MTHFD1L: variants seen among roughly 807,000 people sequenced by gnomAD.
MTHFD1L encodes the protein monofunctional C1-tetrahydrofolate synthase, mitochondrial.
A neutral mutation model predicts 119.5 loss-of-function variants in MTHFD1L; 81 were observed. The ratio of observed to expected loss-of-function variants is 0.68; its 90% CI spans 0.57 to 0.82. The LOEUF is 0.82. Among genes scored for constraint, MTHFD1L ranks in the 40% least tolerant of loss-of-function variants. The pLI is 0.00. For missense variants in MTHFD1L, 1,125 were observed against 1,253.4 expected (o/e 0.90, Z 1.55); for synonymous variants, 430 against 475.2 (o/e 0.90, Z 1.24).
intron 27 of MTHFD1L, chr6:151,099,840 C>A: frequency 1.9e-6 from 3 of 1,597,398 alleles, no homozygotes; most frequent in Non-Finnish European, 1.7e-6. Context: ...ATGTTTCCTC[C>A]AAGAACCGCA....
chr6:150,986,588 C>T (rs1778329617), intron 20 of MTHFD1L, among the ~76,000 whole-genome samples: 3 of 152,212 alleles, frequency 2.0e-5, no homozygotes, highest in African/African-American at 7.2e-5. Context: ...GAATCTAATG[C>T]CACTGCTGAT....
intron 20 of MTHFD1L, among the ~76,000 whole-genome samples, chr6:151,005,311 T>C (rs1781227744): frequency 1.3e-5 from 2 of 152,140 alleles, no homozygotes; most frequent in African/African-American, 4.8e-5. Flanking sequence ...ACTTTCATAA[T>C]TACTGATTAC....
intron 20 of MTHFD1L, among the ~76,000 whole-genome samples, chr6:150,976,559 A>G (rs1210500026): frequency 1.3e-5 from 2 of 152,230 alleles, no homozygotes; most frequent in African/African-American, 4.8e-5. Context: ...TGTTCTTCAA[A>G]AAGTTGTCGT....
intron 25 of MTHFD1L, 34 bp from the exon 26 acceptor site, chr6:151,036,931 T>C: frequency 6.2e-7 from 1 of 1,610,618 alleles, no homozygotes; most frequent in South Asian, 1.1e-5. Context: ...CTAACATCTG[T>C]ATCAGTGAAC....
rs1339457457 is a variant in MTHFD1L at position 150,890,648 on chromosome 6, CTCGG to C, written c.780+2668_780+2671del. Among the ~76,000 whole-genome samples the C allele has an allele frequency of 2.6e-5, 4 of 152,138 alleles. 1 individual carries two copies. In the South Asian group the frequency reaches 6.2e-4, roughly 24 times the overall value. ...CTGCAGCAACTTCAGCTCTTGCCTC[CTCGG>C]AAGAAAGAATTGGACTGAGGGCCAT... is the stretch of plus-strand genomic sequence containing the variant. On this transcript the variant is annotated intron_variant, in intron 7 of 27. Transcript: ENST00000367321.
chr6:151,052,004 A>T (rs972813533), intron 26 of MTHFD1L, among the ~76,000 whole-genome samples: 5 of 152,176 alleles, frequency 3.3e-5, no homozygotes, highest in Non-Finnish European at 7.4e-5. Flanking sequence ...AGAGGATGGC[A>T]TGTGTGCCGG....
chr6:151,065,718 A>G (rs756230171), intron 26 of MTHFD1L, among the ~76,000 whole-genome samples: 1 of 152,240 alleles, frequency 6.6e-6, no homozygotes, highest in Non-Finnish European at 1.5e-5. Context: ...GCCCTGTCCT[A>G]ATCCACCACT....
intron 20 of MTHFD1L, chr6:150,985,009 A>G (rs1778066069): frequency 6.6e-6 from 1 of 152,080 alleles, no homozygotes; most frequent in Non-Finnish European, 1.5e-5. Flanking sequence ...ACCTCCCCCA[A>G]ATCTAGGTTT....
chr6:150,974,724 C>CTTTTTTTTTT (rs58490721), intron 20 of MTHFD1L, among the ~76,000 whole-genome samples: 7 of 144,620 alleles, frequency 4.8e-5, no homozygotes, highest in Non-Finnish European at 6.1e-5. Flanking sequence ...AATTCTCTTC[C>CTTTTTTTTTT]TTTTTTTTTT....
intron 18 of MTHFD1L, among the ~76,000 whole-genome samples, chr6:150,964,008 A>G (rs559451891): frequency 2.4e-4 from 37 of 152,312 alleles, no homozygotes; most frequent in Admixed American, 1.9e-3. Flanking sequence ...TCTGCTAAAA[A>G]TACAAAAAAA....
In MTHFD1L at chr6:150,943,588, A is replaced by G. The variant is rs575092606; in HGVS notation, c.1441-898A>G. Among the ~76,000 whole-genome samples, 252 of 152,362 alleles carry G rather than the reference A, an allele frequency of 1.7e-3. 1 individual carries two copies. The highest frequency in any genetic ancestry group is 1.9e-3 in the Admixed American group (29 of 15,300). On this transcript the variant is annotated intron_variant, in intron 13 of 27. Transcript: ENST00000367321. ...ATAAAAGGAAAAGCTATTTGTGTATATTCTTTATAACTGTGGCCTTTCTTG... is the reference window on the plus strand; with the variant it reads ...ATAAAAGGAAAAGCTATTTGTGTATGTTCTTTATAACTGTGGCCTTTCTTG...
At chr6:151,034,751 G>C (rs1785897392) in intron 25 of MTHFD1L, 151 bp downstream of exon 25, 2 of 644,572 alleles carry the variant, frequency 3.1e-6, no homozygotes, top group Admixed American at 5.4e-5. Flanking sequence ...TCCTCGGGTA[G>C]AGTGTAGACT....
intron 1 of MTHFD1L, among the ~76,000 whole-genome samples, chr6:150,873,104 C>G (rs1779815190): frequency 6.6e-6 from 1 of 152,054 alleles, no homozygotes; most frequent in South Asian, 2.1e-4. Flanking sequence ...ATCACGAGGT[C>G]AAGAGATCGA....
At chr6:150,918,228 G>A (rs1788310425) in intron 8 of MTHFD1L, among the ~76,000 whole-genome samples, 1 of 152,096 alleles carries the variant, frequency 6.6e-6, no homozygotes, top group Admixed American at 6.6e-5. Context: ...ACCATGTCCA[G>A]CTGATTTTTA....
chr6:151,029,774 T>C (rs1028467487), intron 24 of MTHFD1L, among the ~76,000 whole-genome samples: 9 of 152,200 alleles, frequency 5.9e-5, no homozygotes, highest in African/African-American at 2.2e-4. Flanking sequence ...CCACCCTGGG[T>C]GACAGAGTGA....
chr6:150,866,732 C>A, intron 1 of MTHFD1L: 1 of 1,066,340 alleles, frequency 9.4e-7, no homozygotes, highest in Non-Finnish European at 1.1e-6. Flanking sequence ...AGTCCCCGCG[C>A]AGCTGGGTTT....
intron 7 of MTHFD1L, among the ~76,000 whole-genome samples, chr6:150,896,386 G>A (rs1784216253): frequency 6.6e-6 from 1 of 152,178 alleles, no homozygotes; most frequent in South Asian, 2.1e-4. Flanking sequence ...AGAGGGGATG[G>A]TGAGCACCTT....
chr6:150,923,537 A>ATTTATTTATTTTT (rs1254981530), intron 10 of MTHFD1L, among the ~76,000 whole-genome samples: 6 of 95,208 alleles, frequency 6.3e-5, no homozygotes, highest in African/African-American at 1.5e-4. Context: ...TTATTTATTT[A>ATTTATTTATTTTT]TTTTTTCTTT....
Position 150,865,722 on chromosome 6 carries a change from C to T in MTHFD1L, c.-101C>T. The T allele has an allele frequency of 1.4e-6, 1 of 712,284 alleles. No homozygotes were observed. The highest frequency in any genetic ancestry group is 1.7e-6 in the Non-Finnish European group (1 of 592,828). The allele number at this position is 712,284 out of a possible 1,614,324, so 44.1% of individuals were successfully genotyped here. On this transcript the variant is annotated 5_prime_UTR_variant, in exon 1 of 28. Transcript: ENST00000367321. Reference sequence around the variant, plus strand: ...ACGAGGAGGAAGCGCCAGGTCCTTCCCGCCGCCGCCGCCGCCGCCGCCGCC... The same window carrying T: ...ACGAGGAGGAAGCGCCAGGTCCTTCTCGCCGCCGCCGCCGCCGCCGCCGCC...
Sources: allele counts gnomAD v4.1 joint callset (sites outside exome capture counted in the v4.1 genomes callset), GRCh38; gene constraint gnomAD v4.1.1; transcripts MANE v1.5; gene names NCBI Gene and HGNC (gene_info 2026-07-23, HGNC 2026-07-21).